The following TBXAS1 variants were observed in gnomAD, a reference collection of about 807,000 sequenced individuals.
The protein encoded by TBXAS1 is thromboxane-A synthase.
A neutral mutation model predicts 60.7 loss-of-function variants in TBXAS1; 48 were observed. The observed-to-expected ratio is 0.79, with a 90% CI of 0.63 to 1.01. The LOEUF (loss-of-function observed/expected upper bound fraction) is 1.01. Ranked by LOEUF, TBXAS1 falls within the 50% of genes least tolerant of loss-of-function variation. The probability of loss-of-function intolerance (pLI) is 0.00; values close to 1 mark genes in which losing one functional copy is unlikely to be tolerated. For missense variants in TBXAS1, 685 were observed against 686.3 expected, an observed-to-expected ratio of 1.00 and a Z score of 0.02; for synonymous variants, 287 against 269.7, an observed-to-expected ratio of 1.06 and a Z score of -0.63.
intron 4 of TBXAS1, among the ~76,000 whole-genome samples, chr7:139,794,719 G>A (rs1346608544): frequency 4.5e-5 from 6 of 133,428 alleles, no homozygotes; most frequent in African/African-American, 8.8e-5. Context: ...CTGTGTCCAT[G>A]TGATCTCATT....
chr7:139,951,596 A>AAAAAG (rs1809269649), intron 5 of TBXAS1, among the ~76,000 whole-genome samples: 1 of 12,602 alleles, frequency 7.9e-5, no homozygotes, highest in African/African-American at 2.2e-4. Flanking sequence ...TCTCTACTAA[A>AAAAAG]AAAAAAAAAA....
At chr7:139,829,564 AGTGT>A (rs1569495722) in intron 1 of TBXAS1, 85 bp downstream of exon 1, 1 of 1,298,638 alleles carries the variant, frequency 7.7e-7, no homozygotes, top group Non-Finnish European at 1.1e-6. Context: ...GGTATGTGGG[AGTGT>A]GTTTTTCTTC....
At chr7:139,798,050 A>G (rs1232787264) in intron 4 of TBXAS1, among the ~76,000 whole-genome samples, 2 of 152,230 alleles carry the variant, frequency 1.3e-5, no homozygotes, top group Non-Finnish European at 2.9e-5. Flanking sequence ...TCAGGCAGTC[A>G]TGAAGCTCAA....
At chr7:139,868,600 C>T (rs539668327) in intron 1 of TBXAS1, among the ~76,000 whole-genome samples, 2 of 151,602 alleles carry the variant, frequency 1.3e-5, no homozygotes, top group Admixed American at 6.6e-5. Context: ...CCTCCCATCC[C>T]AGCCTTCCAA....
chr7:139,818,945 C>A (rs1408120999), intron 4 of TBXAS1, among the ~76,000 whole-genome samples: 1 of 152,180 alleles, frequency 6.6e-6, no homozygotes, highest in African/African-American at 2.4e-5. Flanking sequence ...GAGGCTAGTC[C>A]CTCTCCATCC....
At position 139,821,746 on chromosome 7, in the gene TBXAS1, A is replaced by G. The variant is rs148865382; in HGVS notation, c.-79-7566A>G. On this transcript the variant is annotated intron_variant, in intron 4 of 16. Coordinates refer to the TBXAS1 transcript ENST00000336425. ...CCGAGTCTTCTTCCACGTCTCAGCC[A>G]TGGGGCCGAAGAGAGGGAGGGGGAC... Among the ~76,000 whole-genome samples, 102 of 152,304 alleles carry G rather than the reference A, an allele frequency of 6.7e-4. 3 individuals are homozygous for G. In the East Asian group the frequency reaches 0.015, roughly 23 times the overall value.
At chr7:139,879,798 C>T (rs1291753922) in intron 3 of TBXAS1, among the ~76,000 whole-genome samples, 4 of 151,270 alleles carry the variant, frequency 2.6e-5, no homozygotes, top group African/African-American at 2.4e-5. Flanking sequence ...TCCTAAAGGC[C>T]GCCATTCAAA....
At chr7:139,843,837 T>G (rs1184449751) in intron 1 of TBXAS1, among the ~76,000 whole-genome samples, 1 of 152,180 alleles carries the variant, frequency 6.6e-6, no homozygotes, top group Non-Finnish European at 1.5e-5. Flanking sequence ...ACAATGTGTG[T>G]GTGTGTGTGC....
At chr7:139,964,680 A>G (rs1810643636) in intron 9 of TBXAS1, among the ~76,000 whole-genome samples, 2 of 152,240 alleles carry the variant, frequency 1.3e-5, no homozygotes, top group Non-Finnish European at 2.9e-5. Flanking sequence ...CAGAAGCTCT[A>G]AGAGATAGAA....
intron 5 of TBXAS1, among the ~76,000 whole-genome samples, chr7:139,940,293 A>C (rs1031418868): frequency 6.6e-6 from 1 of 152,098 alleles, no homozygotes; most frequent in African/African-American, 2.4e-5. Context: ...TCCTCCCCAA[A>C]ACCTCCTGGT....
At chr7:139,838,869 C>T (rs1395465936) in intron 1 of TBXAS1, among the ~76,000 whole-genome samples, 2 of 152,174 alleles carry the variant, frequency 1.3e-5, no homozygotes, top group Non-Finnish European at 2.9e-5. Context: ...ACTGTATTAG[C>T]TGGAAGTACA....
intron 3 of TBXAS1, among the ~76,000 whole-genome samples, chr7:139,902,474 C>G (rs1050615900): frequency 1.8e-4 from 28 of 152,122 alleles, no homozygotes; most frequent in African/African-American, 6.5e-4. Flanking sequence ...CATAGTATTC[C>G]GTTGTATAGA....
Position 140,015,731 on chromosome 7 carries a change from G to A in TBXAS1, c.1235G>A (p.Arg412Gln), listed in dbSNP as rs199422117. 3.6e-4 allele frequency: 575 copies of A among 1,613,278 alleles called. 7 individuals are homozygous for A. The South Asian group carries it at 5.6e-3, about 16-fold the overall frequency. Residue 412 changes from arginine (R) to glutamine (Q), a missense_variant, in exon 11 of 13, where the codon CGG becomes CAG. Arg to Gln is a conservative substitution (Grantham distance 43). Transcript: ENST00000448866. ...RMYPPAFRFT[R>Q]EAAQDCEVLG... ...CCTGGTGTTTCCCTCAGATTCACAC[G>A]GGAGGCAGCTCAGGACTGCGAGGTG...
chr7:139,872,364 T>C, intron 2 of TBXAS1, 36 bp downstream of exon 2: 2 of 1,596,330 alleles, frequency 1.3e-6, no homozygotes, highest in Non-Finnish European at 1.7e-6. Context: ...CATCATAAAA[T>C]ATGCTGAGGG....
rs568848187 is a variant in TBXAS1 at position 139,990,269 on chromosome 7, G to A, written c.1135-16822G>A. ...ATCTGAAAGTGTGAGCACAGCTGGC[G>A]GTGGTGGCTGGCATCCAGGGGACGT... On this transcript the variant is annotated intron_variant, in intron 9 of 12. Transcript: ENST00000448866. 4.3e-3 allele frequency among the ~76,000 whole-genome samples: 654 copies of A among 152,330 alleles called. 3 individuals are homozygous for A. Among genetic ancestry groups the A allele is most frequent in the African/African-American group, 0.015 (644 of 41,562 alleles).
Position 139,953,279 on chromosome 7 carries a change from A to C in TBXAS1, c.451-89A>C, listed in dbSNP as rs2286147. ...TCCAAACAGTGTTCATTTTCCCAGA[A>C]AGCACTACATATAACCTCTTCATCT... On this transcript the variant is annotated intron_variant, in intron 5 of 12. Transcript: ENST00000448866. The C allele has an allele frequency of 1.1e-3, 1,155 of 1,043,430 alleles. 26 individuals carry two copies. In the East Asian group the frequency reaches 0.025, roughly 23 times the overall value. 64.6% of individuals were successfully genotyped at this position (1,043,430 alleles called of 1,614,324 possible).
At chr7:139,826,023 AT>A (rs955007272), upstream of TBXAS1, among the ~76,000 whole-genome samples, 1 of 151,758 alleles carries the variant, frequency 6.6e-6, no homozygotes, top group Non-Finnish European at 1.5e-5. Flanking sequence ...CCTTTAAGAT[AT>A]TTTTTTTCTG....
intron 9 of TBXAS1, among the ~76,000 whole-genome samples, chr7:139,994,689 C>T (rs895763406): frequency 6.6e-6 from 1 of 151,962 alleles, no homozygotes; most frequent in Non-Finnish European, 1.5e-5. Flanking sequence ...ATTCTGAGCC[C>T]AGACAATGGC....
chr7:139,995,437 C>T (rs1051129012), intron 9 of TBXAS1, among the ~76,000 whole-genome samples: 4 of 152,046 alleles, frequency 2.6e-5, no homozygotes, highest in Non-Finnish European at 4.4e-5. Context: ...GTTTATTTGG[C>T]CTGGCAGAGT....
Sources: allele counts gnomAD v4.1 joint callset (sites outside exome capture counted in the v4.1 genomes callset), GRCh38; gene constraint gnomAD v4.1.1; transcripts MANE v1.5; gene names NCBI Gene and HGNC (gene_info 2026-07-23, HGNC 2026-07-21).